MEOX2: variants seen among roughly 807,000 people sequenced by gnomAD.
MEOX2 encodes the protein homeobox protein MOX-2.
A neutral mutation model predicts 27.0 loss-of-function variants in MEOX2; 11 were observed. The ratio of observed to expected loss-of-function variants is 0.41; its 90% CI spans 0.26 to 0.68. The LOEUF (loss-of-function observed/expected upper bound fraction) is 0.68, where lower values mean the gene tolerates loss of function less well. MEOX2 is among the 30% of genes least tolerant of loss of function. The pLI is 0.33. For missense variants in MEOX2, 436 were observed against 385.4 expected, an observed-to-expected ratio of 1.13 and a Z score of -1.10; for synonymous variants, 189 against 155.4, an observed-to-expected ratio of 1.22 and a Z score of -1.61.
intron 1 of MEOX2, among the ~76,000 whole-genome samples, chr7:15,655,826 T>C (rs1412345990): frequency 6.6e-6 from 1 of 151,804 alleles, no homozygotes; most frequent in African/African-American, 2.4e-5. Context: ...TGTATTCTGC[T>C]GTTTCAGGAT....
chr7:15,658,483 A>G (rs756786923), intron 1 of MEOX2, among the ~76,000 whole-genome samples: 1 of 152,128 alleles, frequency 6.6e-6, no homozygotes, highest in Non-Finnish European at 1.5e-5. Context: ...GTGTGTATAT[A>G]TTGGTGTGTT....
At chr7:15,685,601 G>T (rs1214931583) in intron 1 of MEOX2, among the ~76,000 whole-genome samples, 1 of 152,184 alleles carries the variant, frequency 6.6e-6, no homozygotes, top group Non-Finnish European at 1.5e-5. Flanking sequence ...CTTCACAATC[G>T]ATTTCACAGC....
chr7:15,677,898 CACTT>C (rs1782226909), intron 1 of MEOX2, among the ~76,000 whole-genome samples: 1 of 152,042 alleles, frequency 6.6e-6, no homozygotes, highest in Admixed American at 6.6e-5. Context: ...AAAGTGTTGC[CACTT>C]ACTTATACTT....
chr7:15,617,673 G>C (rs1416778822), intron 2 of MEOX2, among the ~76,000 whole-genome samples: 1 of 151,948 alleles, frequency 6.6e-6, no homozygotes, highest in Non-Finnish European at 1.5e-5. Context: ...GTGTGTGTTG[G>C]GGAGGCTGTG....
intron 1 of MEOX2, among the ~76,000 whole-genome samples, chr7:15,641,604 C>T (rs768961792): frequency 6.6e-6 from 1 of 152,058 alleles, no homozygotes; most frequent in South Asian, 2.1e-4. Context: ...GGCAGTTAGG[C>T]TATTTACAAT....
intron 1 of MEOX2, among the ~76,000 whole-genome samples, chr7:15,644,399 A>T (rs1781611261): frequency 6.6e-6 from 1 of 152,208 alleles, no homozygotes; most frequent in Admixed American, 6.5e-5. Context: ...ATAGAATTTC[A>T]GTGTTTTCTC....
intron 1 of MEOX2, among the ~76,000 whole-genome samples, chr7:15,628,858 C>G (rs1354399361): frequency 1.3e-5 from 2 of 152,086 alleles, no homozygotes; most frequent in Non-Finnish European, 2.9e-5. Flanking sequence ...GTGGGCTGTT[C>G]TTGCAGCCTG....
At chr7:15,632,339 C>T (rs1781417702) in intron 1 of MEOX2, among the ~76,000 whole-genome samples, 1 of 151,676 alleles carries the variant, frequency 6.6e-6, no homozygotes, top group Admixed American at 6.6e-5. Flanking sequence ...TACCTTACAG[C>T]CTGTTTAGTG....
chr7:15,624,501 G>C (rs1781267476), intron 2 of MEOX2, among the ~76,000 whole-genome samples: 1 of 152,146 alleles, frequency 6.6e-6, no homozygotes. Flanking sequence ...TATGACGTAA[G>C]AGGCCTGAAA....
At chr7:15,673,442 A>G (rs934973148) in intron 1 of MEOX2, among the ~76,000 whole-genome samples, 2 of 152,154 alleles carry the variant, frequency 1.3e-5, no homozygotes, top group African/African-American at 4.8e-5. Context: ...GGCAGGCGTC[A>G]TAGAACTAAA....
chr7:15,656,924 G>T (rs1449957882), intron 1 of MEOX2, among the ~76,000 whole-genome samples: 1 of 151,898 alleles, frequency 6.6e-6, no homozygotes, highest in Non-Finnish European at 1.5e-5. Flanking sequence ...AGAATGTCAT[G>T]ATCTCCCTGT....
intron 1 of MEOX2, among the ~76,000 whole-genome samples, chr7:15,684,637 A>C (rs1782348752): frequency 2.0e-5 from 3 of 152,180 alleles, no homozygotes; most frequent in Non-Finnish European, 2.9e-5. Flanking sequence ...GTGGCATCTT[A>C]CCTAAAGCTT....
intron 1 of MEOX2, among the ~76,000 whole-genome samples, chr7:15,636,914 A>G (rs1261894982): frequency 6.6e-6 from 1 of 151,958 alleles, no homozygotes; most frequent in Non-Finnish European, 1.5e-5. Context: ...GCATTAATCC[A>G]TTCATGGGAG....
intron 2 of MEOX2, among the ~76,000 whole-genome samples, chr7:15,617,551 C>T (rs1019582624): frequency 1.3e-5 from 2 of 151,966 alleles, no homozygotes; most frequent in Non-Finnish European, 2.9e-5. Flanking sequence ...TTAACTCTTC[C>T]TGAATAGATG....
In MEOX2 at chr7:15,626,875, G is replaced by C; in HGVS notation, c.561C>G (p.Pro187=). Residue 187 remains proline (P), a synonymous_variant, in exon 2 of 3, where the codon CCC becomes CCG. Coordinates refer to ENST00000262041, the MANE Select transcript of MEOX2 (RefSeq NM_005924.5). The part of the protein sequence containing the change: ...GNYKSEVNSK[P]RKERTAFTKE... ...TGGTAAATGCTGTCCTTTCTTTCCT[G>C]GGTTTGCTGTTGACTTCTGACTTGT... is the stretch of plus-strand genomic sequence containing the variant. The C allele has an allele frequency of 6.2e-7, 1 of 1,611,620 alleles. No individual in the cohort carries two copies. Among genetic ancestry groups the C allele is most frequent in the East Asian group, 2.2e-5 (1 of 44,782 alleles).
At chr7:15,682,190 C>G (rs1414461127) in intron 1 of MEOX2, among the ~76,000 whole-genome samples, 1 of 151,608 alleles carries the variant, frequency 6.6e-6, no homozygotes, top group African/African-American at 2.4e-5. Flanking sequence ...CTTCAAGATC[C>G]AGTATATTAT....
chr7:15,676,226 T>C (rs1407954458), intron 1 of MEOX2: 1 of 152,188 alleles, frequency 6.6e-6, no homozygotes, highest in East Asian at 1.9e-4. Context: ...TATGCAAATG[T>C]GAACAAACAA....
chr7:15,686,083 C>A lies in MEOX2; in HGVS notation c.320G>T (p.Ser107Ile), dbSNP rs1782377161. 1 of 1,590,724 alleles carries A rather than the reference C, an allele frequency of 6.3e-7. No individual in the cohort carries two copies. The highest frequency in any genetic ancestry group is 1.3e-5 in the African/African-American group (1 of 74,336). The change falls in exon 1 of 3, where the codon AGC (serine) becomes ATC (isoleucine). Residue 107 changes from serine to isoleucine, a missense_variant. Transcript: ENST00000262041. ...MSSPPSAARHSLCLQPDSGGP... is the reference protein window; with the variant it reads ...MSSPPSAARHILCLQPDSGGP... ...TCCAGAGTCGGGCTGGAGGCAGAGG[C>A]TGTGCCGAGCCGCACTCGGTGGGGA...
At chr7:15,680,674 T>G (rs1354046828) in intron 1 of MEOX2, 1 of 151,924 alleles carries the variant, frequency 6.6e-6, no homozygotes, top group African/African-American at 2.4e-5. Context: ...TGCCTCATTA[T>G]ATTTACAATC....
Sources: gnomAD v4.1 joint callset for allele counts (sites outside exome capture counted in the v4.1 genomes callset) on GRCh38, gnomAD v4.1.1 for gene constraint, MANE v1.5 for transcripts, NCBI Gene and HGNC (gene_info 2026-07-23, HGNC 2026-07-21) for gene names.